GRAMD1B: variants seen among roughly 807,000 people sequenced by gnomAD.
The protein encoded by GRAMD1B is GRAM domain containing 1B.
Under a neutral mutation model 99.7 loss-of-function variants are expected in GRAMD1B, and 37 were observed. The ratio of observed to expected loss-of-function variants is 0.37; its 90% CI spans 0.29 to 0.49. The LOEUF is 0.49. Ranked by LOEUF, GRAMD1B falls within the 20% of genes least tolerant of loss-of-function variation. GRAMD1B has a pLI of 0.98. For synonymous variants in GRAMD1B, 427 were observed against 387.6 expected (o/e 1.10, Z -1.19); for missense variants, 888 against 1,009.2 (o/e 0.88, Z 1.63).
intron 1 of GRAMD1B, among the ~76,000 whole-genome samples, chr11:123,468,462 A>G: frequency 6.6e-6 from 1 of 152,150 alleles, no homozygotes; most frequent in Non-Finnish European, 1.5e-5. Context: ...TGAATCATTA[A>G]TCGCTGCATC....
intron 1 of GRAMD1B, among the ~76,000 whole-genome samples, chr11:123,475,794 G>A (rs749303196): frequency 3.9e-5 from 6 of 152,118 alleles, no homozygotes; most frequent in African/African-American, 1.4e-4. Flanking sequence ...TCCCACTAAG[G>A]CCTTGACTAA....
At chr11:123,500,441 A>C (rs1189840081) in intron 2 of GRAMD1B, among the ~76,000 whole-genome samples, 2 of 152,226 alleles carry the variant, frequency 1.3e-5, no homozygotes, top group Non-Finnish European at 2.9e-5. Context: ...TACCTATAGC[A>C]AATGGTTATA....
rs78131905 is a variant in GRAMD1B, at chr11:123,591,362, A to G, written c.685-2720A>G. 7.7e-3 allele frequency: 3,056 copies of G among 399,082 alleles called. 34 individuals carry two copies. The highest frequency in any genetic ancestry group is 0.033 in the African/African-American group (1,615 of 48,762). 24.7% of individuals were successfully genotyped at this position (399,082 alleles called of 1,614,324 possible). ...GTCGGGAGTCAGTGCTCAGGGAGCC[A>G]GGCGTCGTTGGGAGGGGCAGCCGTG... On this transcript the variant is annotated intron_variant, in intron 4 of 19. Transcript: ENST00000635736. This position sits in a 1 kb window ranked among gnomAD's most constrained non-coding sequence, Gnocchi z 4.7.
intron 1 of GRAMD1B, among the ~76,000 whole-genome samples, chr11:123,479,564 T>A (rs1461745313): frequency 6.6e-6 from 1 of 152,218 alleles, no homozygotes; most frequent in Non-Finnish European, 1.5e-5. Flanking sequence ...AGAACCTATG[T>A]GAAGCAGGGG....
At chr11:123,513,895 A>G (rs949403631) in intron 2 of GRAMD1B, among the ~76,000 whole-genome samples, 2 of 151,952 alleles carry the variant, frequency 1.3e-5, no homozygotes, top group Non-Finnish European at 2.9e-5. Context: ...GGCTCAAGCA[A>G]TTCTGCCACC....
At position 123,622,781 on chromosome 11, in the gene GRAMD1B, G is replaced by A. The variant is rs1418658735; in HGVS notation, c.*186G>A. 5.5e-6 allele frequency: 1 copy of A among 183,194 alleles called. No homozygotes were observed. 11.3% of individuals were successfully genotyped at this position (183,194 alleles called of 1,614,324 possible). On this transcript the variant is annotated 3_prime_UTR_variant, in exon 20 of 20. Transcript: ENST00000635736. The stretch of plus-strand genomic sequence containing the variant: ...GGCCCTCCCGCGCCCTGTGCTGGCC[G>A]GAGCAGCGTTTTCTTATGGTGGAGC...
At chr11:123,439,220 T>A (rs1435132605) in intron 1 of GRAMD1B, among the ~76,000 whole-genome samples, 2 of 152,090 alleles carry the variant, frequency 1.3e-5, no homozygotes, top group African/African-American at 4.8e-5. Context: ...TCTCAGGGAC[T>A]CAGAACAGAA....
chr11:123,551,390 A>G (rs535402018), intron 2 of GRAMD1B, among the ~76,000 whole-genome samples: 2 of 152,262 alleles, frequency 1.3e-5, no homozygotes, highest in Admixed American at 6.5e-5. Flanking sequence ...AAACCTCTAC[A>G]CTACATGGGA....
intron 2 of GRAMD1B, among the ~76,000 whole-genome samples, chr11:123,496,647 T>C (rs1316372809): frequency 6.6e-6 from 1 of 151,632 alleles, no homozygotes; most frequent in Non-Finnish European, 1.5e-5. Flanking sequence ...TTTATTCTTT[T>C]GTCGCCTCTA....
At chr11:123,542,529 G>A (rs903200263) in intron 2 of GRAMD1B, among the ~76,000 whole-genome samples, 1 of 152,214 alleles carries the variant, frequency 6.6e-6, no homozygotes, top group Non-Finnish European at 1.5e-5. Flanking sequence ...TATCAGGGAA[G>A]TCTCCCTGGG....
Position 123,363,747 on chromosome 11 carries a change from T to C in GRAMD1B, c.-176+4948T>C, listed in dbSNP as rs146366961. 1.9e-4 allele frequency among the ~76,000 whole-genome samples: 29 copies of C among 152,252 alleles called. No homozygotes were observed. The East Asian group carries it at 5.4e-3, about 28-fold the overall frequency. On this transcript the variant is annotated intron_variant, in intron 1 of 20. Transcript: ENST00000638157. ...GTGCTCACTCTATTTGTTGGCCTGG[T>C]TAGGGAAGCTGGTGTGTACTTTGCT... is the stretch of plus-strand genomic sequence containing the variant.
intron 1 of GRAMD1B, among the ~76,000 whole-genome samples, chr11:123,364,413 G>A (rs1003308724): frequency 1.6e-4 from 24 of 152,226 alleles, no homozygotes; most frequent in Admixed American, 3.9e-4. Context: ...CTGAGTGTGC[G>A]TTCAAAGACC....
chr11:123,382,246 A>G (rs1410807291), intron 1 of GRAMD1B, among the ~76,000 whole-genome samples: 4 of 152,206 alleles, frequency 2.6e-5, no homozygotes, highest in African/African-American at 9.7e-5. Flanking sequence ...GAATCATAAC[A>G]GAAGGATTGG....
intron 17 of GRAMD1B, chr11:123,618,454 C>T: frequency 9.3e-7 from 1 of 1,073,414 alleles, no homozygotes; most frequent in Non-Finnish European, 1.5e-6. Context: ...GCCTATGCAT[C>T]TCTCCTTTCT....
chr11:123,542,432 A>G (rs1442041490), intron 2 of GRAMD1B, among the ~76,000 whole-genome samples: 1 of 152,220 alleles, frequency 6.6e-6, no homozygotes, highest in Non-Finnish European at 1.5e-5. Context: ...ATAGGCACTC[A>G]CAGGCCATGC....
intron 10 of GRAMD1B, 30 bp downstream of exon 10, chr11:123,605,508 C>A (rs1952591901): frequency 1.3e-6 from 2 of 1,578,356 alleles, no homozygotes; most frequent in Non-Finnish European, 1.7e-6. Context: ...GACTTCTACC[C>A]CCAGTCCTGT....
intron 2 of GRAMD1B, among the ~76,000 whole-genome samples, chr11:123,516,765 G>T (rs1941709653): frequency 6.6e-6 from 1 of 152,148 alleles, no homozygotes; most frequent in Admixed American, 6.6e-5. Context: ...GAGACTTGTT[G>T]CCTTATATTT....
Position 123,560,173 on chromosome 11 carries a change from A to C in GRAMD1B, c.453-17194A>C, listed in dbSNP as rs1036787750. 5 of 1,007,112 alleles carry C rather than the reference A, an allele frequency of 5.0e-6. No individual in the cohort carries two copies. In the African/African-American group the frequency reaches 8.7e-5, roughly 17 times the overall value. 62.4% of individuals were successfully genotyped at this position (1,007,112 alleles called of 1,614,324 possible). The stretch of plus-strand genomic sequence containing the variant: ...GTTGCATTATGTAAACCGGCAGGCG[A>C]CGTGTGTGCGTGTGTGCGCGTGTGC... On this transcript the variant is annotated intron_variant, in intron 2 of 19. Transcript: ENST00000635736.
chr11:123,582,738 ACT>A, intron 3 of GRAMD1B, among the ~76,000 whole-genome samples: 1 of 151,998 alleles, frequency 6.6e-6, no homozygotes, highest in Non-Finnish European at 1.5e-5. Context: ...TCACATGGCC[ACT>A]GGTCATCACC....
Sources: gnomAD v4.1 joint callset for allele counts (sites outside exome capture counted in the v4.1 genomes callset) on GRCh38, gnomAD v4.1.1 for gene constraint, Gnocchi (gnomAD v3.1) non-coding constraint, MANE v1.5 for transcripts, NCBI Gene and HGNC (gene_info 2026-07-23, HGNC 2026-07-21) for gene names.